Variants in RANBP2 observed in about 807,000 individuals in gnomAD.
RANBP2 encodes RAN binding protein 2.
RANBP2 carries 57 observed loss-of-function variants against 303.6 expected under a neutral mutation model. The ratio of observed to expected loss-of-function variants is 0.19; its 90% CI spans 0.15 to 0.23. The LOEUF (loss-of-function observed/expected upper bound fraction) is 0.23, where lower values mean the gene tolerates loss of function less well. RANBP2 is among the 10% of genes least tolerant of loss of function. The pLI, the probability that RANBP2 is intolerant of heterozygous loss-of-function variation, is 1.00. For synonymous variants in RANBP2, 1,167 were observed against 1,301.5 expected (o/e 0.90, Z 2.23); for missense variants, 3,138 against 3,780.8 (o/e 0.83, Z 4.46).
the RANBP2 span, among the ~76,000 whole-genome samples, chr2:109,157,992 C>A: frequency 6.6e-6 from 1 of 152,160 alleles, no homozygotes; most frequent in Non-Finnish European, 1.5e-5. Flanking sequence ...AGTAACCCTC[C>A]TTGAGCCCGT....
the RANBP2 span, among the ~76,000 whole-genome samples, chr2:108,836,196 T>C: frequency 3.9e-5 from 6 of 152,168 alleles, no homozygotes; most frequent in Non-Finnish European, 2.9e-5. Context: ...ATGACCACCA[T>C]TCAATTTTCT....
chr2:109,403,808 C>T, the RANBP2 span, among the ~76,000 whole-genome samples: 1 of 152,328 alleles, frequency 6.6e-6, no homozygotes, highest in East Asian at 1.9e-4. Context: ...CTTGCACCTG[C>T]AACCTTGGGT....
chr2:109,452,890 AGGAGGCTGGTCCCG>A, the RANBP2 span, among the ~76,000 whole-genome samples: 8 of 94,728 alleles, frequency 8.4e-5, no homozygotes, highest in East Asian at 6.2e-4. Flanking sequence ...GGCTGGTCCC[AGGAGGCTGGTCCCG>A]GGAGGCTGGT....
At chr2:109,366,187 ACTTT>A in the RANBP2 span, among the ~76,000 whole-genome samples, 1 of 152,196 alleles carries the variant, frequency 6.6e-6, no homozygotes, top group Non-Finnish European at 1.5e-5. Flanking sequence ...ATATATTTAA[ACTTT>A]CTTAAGCAAA....
At chr2:109,300,343 C>A in the RANBP2 span, among the ~76,000 whole-genome samples, 1 of 152,078 alleles carries the variant, frequency 6.6e-6, no homozygotes, top group Non-Finnish European at 1.5e-5. Flanking sequence ...CCATGTCTGG[C>A]TAATTTTTGT....
chr2:109,681,989 T>C, the RANBP2 span, among the ~76,000 whole-genome samples: 1 of 152,240 alleles, frequency 6.6e-6, no homozygotes, highest in Non-Finnish European at 1.5e-5. Flanking sequence ...TTCCCAAGCC[T>C]GTTACCTGGA....
chr2:109,331,045 T>A, the RANBP2 span, among the ~76,000 whole-genome samples: 1 of 152,318 alleles, frequency 6.6e-6, no homozygotes, highest in South Asian at 2.1e-4. Context: ...ATCTGTTGAC[T>A]TTCACCCAAA....
chr2:109,275,894 A>G, the RANBP2 span, among the ~76,000 whole-genome samples: 1 of 152,240 alleles, frequency 6.6e-6, no homozygotes, highest in South Asian at 2.1e-4. Context: ...AGGTTTATGG[A>G]GAGGAAAATT....
chr2:108,838,210 A>G, the RANBP2 span, among the ~76,000 whole-genome samples: 1 of 152,040 alleles, frequency 6.6e-6, no homozygotes, highest in Non-Finnish European at 1.5e-5. Context: ...TCAGAGGCAT[A>G]CTCTAGGCCG....
chr2:109,528,718 C>T, the RANBP2 span, among the ~76,000 whole-genome samples: 4 of 152,288 alleles, frequency 2.6e-5, no homozygotes, highest in East Asian at 3.9e-4. Flanking sequence ...CCACGGTCCC[C>T]AAAGCGTCCT....
At chr2:108,917,528 C>T in the RANBP2 span, among the ~76,000 whole-genome samples, 1 of 152,202 alleles carries the variant, frequency 6.6e-6, no homozygotes, top group Admixed American at 6.5e-5. Context: ...ACCCCATAAA[C>T]ATGTGCAATT....
the RANBP2 span, among the ~76,000 whole-genome samples, chr2:109,670,117 G>C: frequency 7.9e-5 from 12 of 152,212 alleles, no homozygotes; most frequent in East Asian, 1.5e-3. Context: ...GCCAGGCACA[G>C]AGTAGCTGGG....
At chr2:109,659,672 A>G in the RANBP2 span, among the ~76,000 whole-genome samples, 5 of 152,208 alleles carry the variant, frequency 3.3e-5, no homozygotes, top group Non-Finnish European at 1.5e-5. Context: ...AACAATTCCT[A>G]GGTTAGAAAA....
the RANBP2 span, among the ~76,000 whole-genome samples, chr2:109,566,362 C>T: frequency 6.6e-6 from 1 of 151,918 alleles, no homozygotes; most frequent in Non-Finnish European, 1.5e-5. Context: ...CTCAGGTGAT[C>T]CACCTGTCTT....
the RANBP2 span, among the ~76,000 whole-genome samples, chr2:108,947,307 G>T: frequency 6.6e-6 from 1 of 152,168 alleles, no homozygotes; most frequent in Non-Finnish European, 1.5e-5. Context: ...GCTTTCATGG[G>T]CTGGTGTTGA....
the RANBP2 span, among the ~76,000 whole-genome samples, chr2:109,602,501 C>T: frequency 2.0e-5 from 3 of 151,904 alleles, no homozygotes; most frequent in Admixed American, 6.6e-5. Context: ...AATGGTGAAA[C>T]CCCATCTCTA....
chr2:108,736,234 G>T lies in RANBP2; in HGVS notation c.767G>T (p.Arg256Ile), dbSNP rs374791105. ...TLSTRDVQES[R>I]ELLQSFDSAL... ...TCCACTAGAGATGTGCAGGAAAGTA[G>T]AGAATTACTGCAAAGGTACGTTGAC... Residue 256 changes from arginine to isoleucine, a missense_variant, in exon 6 of 29, where the codon AGA becomes ATA. Physicochemically the swap from Arg to Ile is moderately conservative, Grantham distance 97. Around this residue, in one of 20 missense-constraint regions of RANBP2, gnomAD observed 306 missense variants for 381.9 expected, o/e 0.80. Coordinates refer to ENST00000283195, the MANE Select transcript of RANBP2 (RefSeq NM_006267.5). The T allele has an allele frequency of 1.1e-5, 18 of 1,611,842 alleles. No individual in the cohort carries two copies. In the African/African-American group the frequency reaches 2.4e-4, roughly 22 times the overall value.
At chr2:109,469,150 C>T in the RANBP2 span, among the ~76,000 whole-genome samples, 1 of 152,158 alleles carries the variant, frequency 6.6e-6, no homozygotes, top group Non-Finnish European at 1.5e-5. Context: ...CCCAAGAATG[C>T]GGGCCCCCTG....
At chr2:109,138,270 G>A in the RANBP2 span, among the ~76,000 whole-genome samples, 1,464 of 152,236 alleles carry the variant, frequency 9.6e-3, 23 homozygotes, top group African/African-American at 0.032. Context: ...CTCGTGATCC[G>A]CCCGCCTTGG....
Sources: allele counts gnomAD v4.1 joint callset (sites outside exome capture counted in the v4.1 genomes callset), GRCh38; gene constraint gnomAD v4.1.1; regional missense constraint gnomAD v4.1.1; transcripts MANE v1.5; gene names NCBI Gene and HGNC (gene_info 2026-07-23, HGNC 2026-07-21).